SORCS3: variants seen among roughly 807,000 people sequenced by gnomAD.
SORCS3 encodes sortilin related VPS10 domain containing receptor 3.
Under a neutral mutation model 146.3 loss-of-function variants are expected in SORCS3, and 57 were observed. The observed-to-expected ratio is 0.39, with a 90% CI of 0.31 to 0.49. The LOEUF (loss-of-function observed/expected upper bound fraction) is 0.49, where lower values mean the gene tolerates loss of function less well. SORCS3 is among the 20% of genes least tolerant of loss of function. The probability of loss-of-function intolerance (pLI) is 0.92; values close to 1 mark genes in which losing one functional copy is unlikely to be tolerated. For synonymous variants in SORCS3, 653 were observed against 618.5 expected, an observed-to-expected ratio of 1.06 and a Z score of -0.83; for missense variants, 1,341 against 1,575.5, an observed-to-expected ratio of 0.85 and a Z score of 2.52.
intron 13 of SORCS3, among the ~76,000 whole-genome samples, chr10:105,169,408 G>C (rs141028574): frequency 6.6e-6 from 1 of 152,094 alleles, no homozygotes; most frequent in East Asian, 1.9e-4. Flanking sequence ...GAAGCCTGGT[G>C]TGTAAGGAGC....
chr10:105,021,015 C>T (rs2055194618), intron 4 of SORCS3, among the ~76,000 whole-genome samples: 3 of 152,168 alleles, frequency 2.0e-5, no homozygotes, highest in Admixed American at 2.0e-4. Flanking sequence ...CTTAGGCATC[C>T]CCATGCCCAA....
intron 5 of SORCS3, among the ~76,000 whole-genome samples, chr10:105,050,034 CAT>C (rs1403382586): frequency 7.6e-6 from 1 of 132,080 alleles, no homozygotes; most frequent in African/African-American, 3.3e-5. Context: ...TATATATATA[CAT>C]ACACACACAC....
chr10:105,141,231 G>T (rs942891537), intron 8 of SORCS3, among the ~76,000 whole-genome samples: 3 of 152,066 alleles, frequency 2.0e-5, no homozygotes, highest in Admixed American at 1.3e-4. Flanking sequence ...TAGCAACCCC[G>T]AGGCAATTTA....
At chr10:104,794,683 A>G (rs1335482677) in intron 1 of SORCS3, among the ~76,000 whole-genome samples, 1 of 151,050 alleles carries the variant, frequency 6.6e-6, no homozygotes, top group Admixed American at 6.7e-5. Context: ...ATAGTAGAAA[A>G]GGAAGAGATT....
intron 4 of SORCS3, among the ~76,000 whole-genome samples, chr10:105,015,070 T>A (rs914903616): frequency 7.2e-5 from 11 of 152,208 alleles, no homozygotes; most frequent in African/African-American, 1.9e-4. Context: ...AAATTAAGAC[T>A]ATAGTAAGGG....
At chr10:105,225,284 AT>A (rs999907951) in intron 20 of SORCS3, among the ~76,000 whole-genome samples, 8 of 151,720 alleles carry the variant, frequency 5.3e-5, no homozygotes, top group African/African-American at 1.2e-4. Context: ...ACCTAGATTC[AT>A]TTTTTTTGGC....
chr10:105,051,937 T>TG (rs1161097369), intron 5 of SORCS3, among the ~76,000 whole-genome samples: 1 of 152,100 alleles, frequency 6.6e-6, no homozygotes, highest in African/African-American at 2.4e-5. Flanking sequence ...ACTTTGCTGA[T>TG]GGGGGCTACC....
chr10:104,963,756 G>T (rs1379186643), intron 3 of SORCS3, among the ~76,000 whole-genome samples: 1 of 151,906 alleles, frequency 6.6e-6, no homozygotes, highest in Admixed American at 6.6e-5. Context: ...TATTTTTAAA[G>T]CCCTGAACCT....
intron 5 of SORCS3, among the ~76,000 whole-genome samples, chr10:105,077,521 A>AACACACACACAC (rs60182481): frequency 2.6e-4 from 30 of 116,672 alleles, no homozygotes; most frequent in South Asian, 2.0e-3. Context: ...GACTAAATTA[A>AACACACACACAC]ACACACACAC....
intron 5 of SORCS3, among the ~76,000 whole-genome samples, chr10:105,071,147 G>A (rs1259639367): frequency 3.3e-5 from 5 of 151,590 alleles, no homozygotes; most frequent in African/African-American, 1.2e-4. Context: ...TAATAAAACT[G>A]TCATCAGTCA....
chr10:105,022,591 T>G (rs2055204795), intron 4 of SORCS3, among the ~76,000 whole-genome samples: 1 of 152,140 alleles, frequency 6.6e-6, no homozygotes, highest in Non-Finnish European at 1.5e-5. Flanking sequence ...AAATATTAAT[T>G]TTTTAGAAGC....
chr10:105,140,425 A>T (rs1335286405), intron 8 of SORCS3, among the ~76,000 whole-genome samples: 1 of 152,150 alleles, frequency 6.6e-6, no homozygotes, highest in Admixed American at 6.5e-5. Flanking sequence ...TAGAGTAGTG[A>T]ATAAGGCACA....
intron 3 of SORCS3, among the ~76,000 whole-genome samples, chr10:104,971,630 G>C (rs1035374231): frequency 6.6e-6 from 1 of 152,160 alleles, no homozygotes; most frequent in African/African-American, 2.4e-5. Context: ...CTGTGACTGA[G>C]ACTCAGAGAT....
intron 1 of SORCS3, among the ~76,000 whole-genome samples, chr10:104,787,872 G>T (rs1210577018): frequency 6.6e-6 from 1 of 152,178 alleles, no homozygotes; most frequent in Non-Finnish European, 1.5e-5. Flanking sequence ...CAAGCAGACG[G>T]CTCTCTGCCT....
At chr10:104,690,712 A>G (rs2016100886) in intron 1 of SORCS3, among the ~76,000 whole-genome samples, 2 of 152,142 alleles carry the variant, frequency 1.3e-5, no homozygotes, top group East Asian at 3.8e-4. Flanking sequence ...TGAGTTGATG[A>G]GGACGAGGTC....
intron 1 of SORCS3, among the ~76,000 whole-genome samples, chr10:104,715,396 G>A (rs1426499678): frequency 1.3e-5 from 2 of 152,200 alleles, no homozygotes. Flanking sequence ...GACTCCAGGA[G>A]TTACACCATC....
At chr10:104,891,575 C>T (rs2018749665) in intron 2 of SORCS3, among the ~76,000 whole-genome samples, 1 of 152,070 alleles carries the variant, frequency 6.6e-6, no homozygotes, top group African/African-American at 2.4e-5. Flanking sequence ...AATTTGTTTA[C>T]TGTCTCTTAG....
chr10:105,182,230 CTTTTTTTT>C (rs11340368), intron 14 of SORCS3, among the ~76,000 whole-genome samples: 8 of 70,474 alleles, frequency 1.1e-4, no homozygotes, highest in South Asian at 6.2e-4. Context: ...TATTCAGCAT[CTTTTTTTT>C]TTTTTTTTTT....
chr10:105,104,851 C>CATTA, intron 6 of SORCS3, among the ~76,000 whole-genome samples: 1 of 152,224 alleles, frequency 6.6e-6, no homozygotes, highest in Admixed American at 6.5e-5. Context: ...ACGTATCCAC[C>CATTA]GAATTCTTCT....
Sources: gnomAD v4.1 joint callset for allele counts (sites outside exome capture counted in the v4.1 genomes callset) on GRCh38, gnomAD v4.1.1 for gene constraint, MANE v1.5 for transcripts, NCBI Gene and HGNC (gene_info 2026-07-23, HGNC 2026-07-21) for gene names.